The following RIMBP2 variants were observed in gnomAD, a reference collection of about 807,000 sequenced individuals.
RIMBP2 encodes the protein RIMS-binding protein 2.
Under a neutral mutation model 118.6 loss-of-function variants are expected in RIMBP2, and 48 were observed. The observed-to-expected ratio is 0.40, with a 90% CI of 0.32 to 0.51. The LOEUF (loss-of-function observed/expected upper bound fraction) is 0.51, where lower values mean the gene tolerates loss of function less well. RIMBP2 is among the 20% of genes least tolerant of loss of function. The pLI is 0.41. For synonymous variants in RIMBP2, 762 were observed against 742.9 expected, an observed-to-expected ratio of 1.03 and a Z score of -0.42; for missense variants, 1,551 against 1,768.3, an observed-to-expected ratio of 0.88 and a Z score of 2.20.
intron 7 of RIMBP2, among the ~76,000 whole-genome samples, chr12:130,452,734 C>T (rs963152415): frequency 2.0e-5 from 3 of 152,182 alleles, no homozygotes; most frequent in African/African-American, 4.8e-5. Context: ...TGTCCTCCAG[C>T]GTTCCGAGAC....
At position 130,525,441 on chromosome 12, in the gene RIMBP2, TTAGAGCCTCC is replaced by T. The variant is rs148789672; in HGVS notation, c.-216-7534_-216-7525del. Reference sequence around the variant, plus strand: ...GAGGCGCAGAGAGACAAGGTCATGCTTAGAGCCTCCTAGGGGCATGGATGACTAAGGAAGG... The same window carrying T: ...GAGGCGCAGAGAGACAAGGTCATGCTTAGGGGCATGGATGACTAAGGAAGG... On this transcript the variant is annotated intron_variant, in intron 2 of 22. Transcript: ENST00000690449. This position sits in a 1 kb window ranked among gnomAD's most constrained non-coding sequence, Gnocchi z 4.4. Among the ~76,000 whole-genome samples the T allele has an allele frequency of 4.9e-3, 743 of 152,200 alleles. 7 individuals carry two copies. Among genetic ancestry groups the T allele is most frequent in the African/African-American group, 0.017 (718 of 41,532 alleles).
At chr12:130,562,086 C>G (rs1003624366) in intron 2 of RIMBP2, among the ~76,000 whole-genome samples, 4 of 152,088 alleles carry the variant, frequency 2.6e-5, no homozygotes, top group Non-Finnish European at 5.9e-5. Context: ...GGAGATATAT[C>G]ATCAATTTTT....
chr12:130,676,819 C>T (rs1386243010), intron 1 of RIMBP2, among the ~76,000 whole-genome samples: 1 of 151,986 alleles, frequency 6.6e-6, no homozygotes, highest in African/African-American at 2.4e-5. Flanking sequence ...CAGGGAGAGG[C>T]AGAACTCCAG....
In RIMBP2 at chr12:130,474,040, A is replaced by G. The variant is rs539702420; in HGVS notation, c.103-3297T>C. Among the ~76,000 whole-genome samples the G allele has an allele frequency of 7.9e-5, 12 of 152,344 alleles. No individual in the cohort carries two copies. In the South Asian group the frequency reaches 8.3e-4, roughly 11 times the overall value. ...CTTTAGCTCACACCACTGGATTATC[A>G]TAATTGCCACTTGTCACAAGACAAG... On this transcript the variant is annotated intron_variant, in intron 5 of 22. Coordinates refer to ENST00000690449, the MANE Select transcript of RIMBP2 (RefSeq NM_001393629.1).
chr12:130,508,010 C>T (rs1377230460), intron 3 of RIMBP2, among the ~76,000 whole-genome samples: 2 of 152,056 alleles, frequency 1.3e-5, no homozygotes, highest in African/African-American at 2.4e-5. Context: ...AGGTCTCATT[C>T]GAAGGAATAT....
intron 2 of RIMBP2, among the ~76,000 whole-genome samples, chr12:130,549,266 T>C (rs2055493470): frequency 6.6e-6 from 1 of 152,208 alleles, no homozygotes; most frequent in South Asian, 2.1e-4. Flanking sequence ...TGGCATCTGA[T>C]GCCCATCCCG....
At chr12:130,493,894 G>A (rs904565534) in intron 4 of RIMBP2, among the ~76,000 whole-genome samples, 9 of 152,154 alleles carry the variant, frequency 5.9e-5, no homozygotes, top group Non-Finnish European at 8.8e-5. Context: ...CCGGATATCC[G>A]CCCTTTCTGT....
intron 4 of RIMBP2, among the ~76,000 whole-genome samples, chr12:130,487,529 G>C (rs1285367188): frequency 4.6e-5 from 7 of 152,228 alleles, no homozygotes; most frequent in Non-Finnish European, 7.3e-5. Context: ...CAGAAGCTGA[G>C]CAGATGCTGG....
intron 4 of RIMBP2, among the ~76,000 whole-genome samples, chr12:130,497,038 T>C (rs150145106): frequency 6.6e-6 from 1 of 152,170 alleles, no homozygotes; most frequent in Non-Finnish European, 1.5e-5. Flanking sequence ...CTTGCCAGGC[T>C]CCTGGGCGCT....
intron 1 of RIMBP2, among the ~76,000 whole-genome samples, chr12:130,701,437 GA>G (rs1435878703): frequency 6.6e-6 from 1 of 152,168 alleles, no homozygotes; most frequent in African/African-American, 2.4e-5. Flanking sequence ...TACAACCCCT[GA>G]AGACACAAGG....
Position 130,399,663 on chromosome 12 carries a change from A to C in RIMBP2, c.3900+16T>G. On this transcript the variant is annotated intron_variant, in intron 22 of 22. Coordinates refer to ENST00000690449, the MANE Select transcript of RIMBP2 (RefSeq NM_001393629.1). ...GAACGGGACAGAGATTAAAAAGGCT[A>C]AATAGGTTTGCTTACCCTTTTTGCC... 1 of 1,613,880 alleles carries C rather than the reference A, an allele frequency of 6.2e-7. No individual in the cohort carries two copies. The highest frequency in any genetic ancestry group is 8.5e-7 in the Non-Finnish European group (1 of 1,179,770).
At chr12:130,531,014 C>T (rs1020341105) in intron 2 of RIMBP2, among the ~76,000 whole-genome samples, 9 of 152,224 alleles carry the variant, frequency 5.9e-5, no homozygotes, top group African/African-American at 1.9e-4. Context: ...GATTGATGAC[C>T]GATTGAATTT....
At chr12:130,607,694 A>G (rs1163390985) in intron 2 of RIMBP2, among the ~76,000 whole-genome samples, 2 of 152,058 alleles carry the variant, frequency 1.3e-5, no homozygotes, top group African/African-American at 4.8e-5. Context: ...AGAAGCCTGC[A>G]TTGGTCAGAA....
In RIMBP2 at chr12:130,432,198, C is replaced by T. The variant is rs544979443; in HGVS notation, c.2253+2536G>A. 4.6e-4 allele frequency: 209 copies of T among 456,340 alleles called. 2 individuals carry two copies. The highest frequency in any genetic ancestry group is 1.7e-3 in the South Asian group (107 of 64,486). The allele number at this position is 456,340 out of a possible 1,614,324, so 28.3% of individuals were successfully genotyped here. A position where few individuals can be genotyped will look rare whatever the true frequency, so the allele number is the denominator to read the frequency against. On this transcript the variant is annotated intron_variant, in intron 14 of 22. Transcript: ENST00000690449. ...TCCTGGATAGGTGAGGAGAACGTGG[C>T]ACATGGGGAAAGGCGTGGAAACAGG...
Position 130,434,882 on chromosome 12 carries a change from T to C in RIMBP2, c.2107-2A>G. 4.4e-6 allele frequency: 7 copies of C among 1,601,554 alleles called. No homozygotes were observed. The highest frequency in any genetic ancestry group is 6.0e-6 in the Non-Finnish European group (7 of 1,174,096). On this transcript the variant is annotated splice_acceptor_variant, in intron 13 of 22. Coordinates refer to ENST00000690449, the MANE Select transcript of RIMBP2 (RefSeq NM_001393629.1). LOFTEE classifies it high-confidence loss of function. This position sits in a 1 kb window ranked among gnomAD's most constrained non-coding sequence, Gnocchi z 5.7. ...TAGGAAGACGCTCCTTTTCTCTAACTTGGAAAGAAAAAGGAGGCACACGGG... is the reference window on the plus strand; with the variant it reads ...TAGGAAGACGCTCCTTTTCTCTAACCTGGAAAGAAAAAGGAGGCACACGGG...
intron 7 of RIMBP2, among the ~76,000 whole-genome samples, chr12:130,451,667 G>A (rs2079023163): frequency 6.6e-6 from 1 of 151,738 alleles, no homozygotes; most frequent in Admixed American, 6.5e-5. Flanking sequence ...TTGAGCAGCT[G>A]TGAAGCTCAG....
chr12:130,550,857 TTAAAATG>T (rs1309498309), intron 2 of RIMBP2, among the ~76,000 whole-genome samples: 3 of 152,238 alleles, frequency 2.0e-5, no homozygotes, highest in African/African-American at 7.2e-5. Flanking sequence ...AGAGAAAGTT[TTAAAATG>T]ACATTTATGG....
At chr12:130,565,384 AC>A (rs1252249370) in intron 2 of RIMBP2, among the ~76,000 whole-genome samples, 1 of 152,142 alleles carries the variant, frequency 6.6e-6, no homozygotes, top group African/African-American at 2.4e-5. Flanking sequence ...CCACTCTCAA[AC>A]TAGGTATCAT....
chr12:130,522,859 G>A (rs2052302620), intron 2 of RIMBP2, among the ~76,000 whole-genome samples: 1 of 152,140 alleles, frequency 6.6e-6, no homozygotes, highest in African/African-American at 2.4e-5. Context: ...GGGACTCTTA[G>A]GAGGTAAGGA....
Sources: gnomAD v4.1 joint callset for allele counts (sites outside exome capture counted in the v4.1 genomes callset) on GRCh38, gnomAD v4.1.1 for gene constraint, Gnocchi (gnomAD v3.1) non-coding constraint, MANE v1.5 for transcripts, NCBI Gene and HGNC (gene_info 2026-07-23, HGNC 2026-07-21) for gene names.